Variants in ARFGEF3 observed in about 807,000 individuals in gnomAD.
ARFGEF3 encodes the protein ARFGEF family member 3, also known as brefeldin A-inhibited guanine nucleotide-exchange protein 3.
A neutral mutation model predicts 221.7 loss-of-function variants in ARFGEF3; 96 were observed. That is an observed-to-expected ratio of 0.43 (90% CI 0.37 to 0.51). The LOEUF (loss-of-function observed/expected upper bound fraction) is 0.51, where lower values mean the gene tolerates loss of function less well. ARFGEF3 is among the 20% of genes least tolerant of loss of function. ARFGEF3 has a pLI of 0.00. For missense variants in ARFGEF3, 2,410 were observed against 2,789.9 expected (o/e 0.86, Z 3.07); for synonymous variants, 1,145 against 1,126.8 (o/e 1.02, Z -0.32).
chr6:138,257,431 G>A (rs1778705297), intron 10 of ARFGEF3, among the ~76,000 whole-genome samples: 1 of 152,198 alleles, frequency 6.6e-6, no homozygotes, highest in Admixed American at 6.5e-5. Context: ...GAAATGAGAG[G>A]AAGGGAGAAG....
intron 14 of ARFGEF3, among the ~76,000 whole-genome samples, chr6:138,282,288 TC>T (rs1444758377): frequency 6.6e-6 from 1 of 152,074 alleles, no homozygotes; most frequent in Non-Finnish European, 1.5e-5. Flanking sequence ...AGTTATCCTC[TC>T]CTGGCTCCAG....
At chr6:138,285,480 G>T (rs1298509250) in intron 14 of ARFGEF3, among the ~76,000 whole-genome samples, 1 of 151,836 alleles carries the variant, frequency 6.6e-6, no homozygotes, top group Non-Finnish European at 1.5e-5. Context: ...AAATTATAAG[G>T]TATTATTTAT....
intron 2 of ARFGEF3, among the ~76,000 whole-genome samples, chr6:138,202,120 CTTTA>C (rs548634650): frequency 1.2e-4 from 18 of 152,244 alleles, no homozygotes; most frequent in Admixed American, 3.3e-4. Flanking sequence ...GGGCCACTGC[CTTTA>C]TTTAGTTAGG....
chr6:138,301,764 C>T (rs1779632919), intron 22 of ARFGEF3, among the ~76,000 whole-genome samples: 1 of 152,140 alleles, frequency 6.6e-6, no homozygotes, highest in African/African-American at 2.4e-5. Context: ...CCTTCTCACA[C>T]AGATTGATTG....
intron 4 of ARFGEF3, among the ~76,000 whole-genome samples, chr6:138,213,452 CAA>C (rs990167074): frequency 1.4e-5 from 2 of 144,128 alleles, no homozygotes; most frequent in Non-Finnish European, 1.5e-5. Flanking sequence ...GACCCTGTCT[CAA>C]AAAAAAAAAT....
intron 4 of ARFGEF3, among the ~76,000 whole-genome samples, chr6:138,213,619 G>A (rs1403104745): frequency 6.6e-6 from 1 of 151,782 alleles, no homozygotes; most frequent in East Asian, 1.9e-4. Context: ...CTCACATGTG[G>A]AATCGAAAAA....
rs1404665238 is a variant in ARFGEF3 at position 138,291,890 on chromosome 6, C to T, written c.3205C>T (p.Gln1069Ter). 2 of 1,495,606 alleles carry T rather than the reference C, an allele frequency of 1.3e-6. No homozygotes were observed. Among genetic ancestry groups the T allele is most frequent in the Non-Finnish European group, 1.8e-6 (2 of 1,117,752 alleles). The allele number at this position is 1,495,606 out of a possible 1,614,324, so 92.6% of individuals were successfully genotyped here. ...CTCGCCCCCCGAGCACAGCCCGGAG[C>T]AGGGGCGCTCCCTGAGCACGGCCCC... is the stretch of plus-strand genomic sequence containing the variant. Reference protein sequence around the residue: ...EGSPPEHSPEQGRSLSTAPVV... With the variant: ...EGSPPEHSPE Residue 1069 changes from glutamine to a stop codon, truncating the protein, a stop_gained, in exon 19 of 34, where the codon CAG becomes TAG. Coordinates refer to ENST00000251691, the MANE Select transcript of ARFGEF3 (RefSeq NM_020340.5). LOFTEE classifies it high-confidence loss of function. This position sits in a 1 kb window ranked among gnomAD's most constrained non-coding sequence, Gnocchi z 4.5.
rs2114711240 is a variant in ARFGEF3 at position 138,341,336 on chromosome 6, T to G, written c.*4850T>G. The G allele has an allele frequency of 6.5e-6, 1 of 154,974 alleles. No individual in the cohort carries two copies. Among genetic ancestry groups the G allele is most frequent in the East Asian group, 1.9e-4 (1 of 5,192 alleles). 9.6% of individuals were successfully genotyped at this position (154,974 alleles called of 1,614,324 possible). A position where few individuals can be genotyped will look rare whatever the true frequency, so the allele number is the denominator to read the frequency against. ...AGGAAGCAGCTGGTTGGACAGGATT[T>G]CTTGAAGAGCCAGGTGCTAAGGGCA... On this transcript the variant is annotated 3_prime_UTR_variant, in exon 34 of 34. Coordinates refer to ENST00000251691, the MANE Select transcript of ARFGEF3 (RefSeq NM_020340.5).
chr6:138,165,043 C>T (rs1479625415), intron 1 of ARFGEF3, among the ~76,000 whole-genome samples: 1 of 150,580 alleles, frequency 6.6e-6, no homozygotes, highest in Admixed American at 6.6e-5. Context: ...GAGGGGTCAT[C>T]CTCACTTAGA....
chr6:138,236,707 G>A (rs370059202), intron 5 of ARFGEF3, among the ~76,000 whole-genome samples: 3 of 152,148 alleles, frequency 2.0e-5, no homozygotes, highest in East Asian at 1.9e-4. Context: ...GGGCTCAAGC[G>A]ATCCAGCCAC....
chr6:138,222,879 C>T (rs1778006202), intron 4 of ARFGEF3, among the ~76,000 whole-genome samples: 1 of 152,122 alleles, frequency 6.6e-6, no homozygotes, highest in Admixed American at 6.6e-5. Context: ...CTCCCTCCCC[C>T]ATTCTGAGTC....
intron 2 of ARFGEF3, among the ~76,000 whole-genome samples, chr6:138,195,127 C>T (rs1170001855): frequency 2.0e-5 from 3 of 150,912 alleles, no homozygotes; most frequent in Non-Finnish European, 4.4e-5. Flanking sequence ...CTCAGCCTCC[C>T]GAGTAGCTGG....
chr6:138,219,804 G>A (rs1048823441), intron 4 of ARFGEF3, among the ~76,000 whole-genome samples: 4 of 152,168 alleles, frequency 2.6e-5, no homozygotes, highest in Admixed American at 6.5e-5. Context: ...GTGTGTGTGT[G>A]TGTGTGTGTA....
intron 4 of ARFGEF3, among the ~76,000 whole-genome samples, chr6:138,215,007 A>G (rs1273670912): frequency 1.3e-5 from 2 of 152,212 alleles, no homozygotes; most frequent in African/African-American, 4.8e-5. Flanking sequence ...CTGAAGATAG[A>G]TTACCTTGGA....
At chr6:138,176,512 A>G (rs1776951580) in intron 2 of ARFGEF3, among the ~76,000 whole-genome samples, 1 of 152,132 alleles carries the variant, frequency 6.6e-6, no homozygotes, top group South Asian at 2.1e-4. Context: ...CTTTATGACA[A>G]TCTATATATT....
chr6:138,205,010 T>C (rs1777602081), intron 2 of ARFGEF3, among the ~76,000 whole-genome samples: 1 of 152,160 alleles, frequency 6.6e-6, no homozygotes, highest in Admixed American at 6.5e-5. Context: ...ACAGTATCAC[T>C]CGTGTGAATG....
At position 138,262,714 on chromosome 6, in the gene ARFGEF3, A is replaced by G. The variant is rs1241064677; in HGVS notation, c.1231A>G (p.Met411Val). The G allele has an allele frequency of 3.1e-6, 5 of 1,602,602 alleles. No individual in the cohort carries two copies. The highest frequency in any genetic ancestry group is 1.7e-5 in the Admixed American group (1 of 59,684). Residue 411 changes from methionine (M) to valine (V), a missense_variant, in exon 12 of 34, where the codon ATG (methionine) becomes GTG (valine). Coordinates refer to ENST00000251691, the MANE Select transcript of ARFGEF3 (RefSeq NM_020340.5). ...LDLLKLIMDG[M>V]TEACIKGGIE... ...AACACTGTTTAGCATCATGGATGGC[A>G]TGACCGAAGCATGCATCAAGGGTGG... is the stretch of plus-strand genomic sequence containing the variant.
intron 12 of ARFGEF3, 115 bp from the exon 13 acceptor site, chr6:138,278,336 A>T: frequency 1.1e-6 from 1 of 947,462 alleles, no homozygotes; most frequent in Non-Finnish European, 1.6e-6. Context: ...TCAGTGCTAT[A>T]CAGAAATATC....
At position 138,338,155 on chromosome 6, in the gene ARFGEF3, C is replaced by G. The variant is rs919871164; in HGVS notation, c.*1669C>G. 6.6e-6 allele frequency: 1 copy of G among 152,180 alleles called. No homozygotes were observed. The allele number at this position is 152,180 out of a possible 1,614,324, so 9.4% of individuals were successfully genotyped here. ...TCTGTTTGCCTTCAGTTTTTACTCA[C>G]TAGACAATAATTCAAGTTTAGAAAC... On this transcript the variant is annotated 3_prime_UTR_variant, in exon 34 of 34. Coordinates refer to ENST00000251691, the MANE Select transcript of ARFGEF3 (RefSeq NM_020340.5).
Sources: allele counts gnomAD v4.1 joint callset (sites outside exome capture counted in the v4.1 genomes callset), GRCh38; gene constraint gnomAD v4.1.1; non-coding constraint Gnocchi (gnomAD v3.1); transcripts MANE v1.5; gene names NCBI Gene and HGNC (gene_info 2026-07-23, HGNC 2026-07-21).